Variants in ACLY observed in about 807,000 individuals in gnomAD.
ACLY encodes ATP citrate lyase.
In ACLY, 41 loss-of-function variants were observed where a neutral mutation model predicts 133.0. That is an observed-to-expected ratio of 0.31 (90% CI 0.24 to 0.40). ACLY has a LOEUF of 0.40. ACLY is among the 10% of genes least tolerant of loss of function. ACLY has a pLI of 1.00. For synonymous variants in ACLY, 495 were observed against 549.3 expected (o/e 0.90, Z 1.38); for missense variants, 1,046 against 1,453.8 (o/e 0.72, Z 4.56).
At chr17:41,887,301 T>C (rs1555628382) in intron 17 of ACLY, among the ~76,000 whole-genome samples, 1 of 151,638 alleles carries the variant, frequency 6.6e-6, no homozygotes, top group East Asian at 1.9e-4. Flanking sequence ...TAGCCGGACA[T>C]GGTGGCGGGT....
rs1555626478 is a variant in ACLY, at chr17:41,878,123, T to C, written c.2467A>G (p.Met823Val). 2 of 1,581,222 alleles carry C rather than the reference T, an allele frequency of 1.3e-6. No individual in the cohort carries two copies. Among genetic ancestry groups the C allele is most frequent in the Non-Finnish European group, 8.6e-7 (1 of 1,164,096 alleles). The change falls in exon 22 of 29, where the codon ATG becomes GTG. Residue 823 changes from methionine to valine, a missense_variant. By Grantham distance (21) the Met-to-Val change is conservative. This residue lies in a region of ACLY where 205 missense variants were observed against 373.3 expected (regional missense o/e 0.55). Transcript: ENST00000352035. ...AQEVPPPTVP[M>V]DYSWARELGL... ...CCTACCCTGGCCCAGGAGTAGTCCA[T>C]GGGCACGGTTGGGGGCGGCACCTCC...
intron 10 of ACLY, 142 bp from the exon 11 acceptor site, chr17:41,901,955 C>A: frequency 1.6e-6 from 1 of 627,778 alleles, no homozygotes. Context: ...CAGCCACGGC[C>A]TGGGATATGA....
At chr17:41,926,772 A>T (rs1225565642) in intron 1 of ACLY, among the ~76,000 whole-genome samples, 1 of 152,162 alleles carries the variant, frequency 6.6e-6, no homozygotes, top group East Asian at 1.9e-4. Context: ...TATAGGCATA[A>T]GCCACCACGC....
chr17:41,871,330 C>T (rs2048590954), intron 25 of ACLY, among the ~76,000 whole-genome samples: 1 of 152,048 alleles, frequency 6.6e-6, no homozygotes, highest in Non-Finnish European at 1.5e-5. Flanking sequence ...CTATCACCAC[C>T]CACCCAGTAG....
At chr17:41,891,179 G>A (rs957625102) in intron 16 of ACLY, among the ~76,000 whole-genome samples, 3 of 152,026 alleles carry the variant, frequency 2.0e-5, no homozygotes, top group African/African-American at 7.3e-5. Flanking sequence ...GGACTAGTGA[G>A]TGCCATCATG....
chr17:41,901,903 T>C, intron 10 of ACLY, 90 bp from the exon 11 acceptor site: 1 of 979,074 alleles, frequency 1.0e-6, no homozygotes, highest in Non-Finnish European at 1.5e-6. Context: ...CAGGTATATG[T>C]GACAAGTGCT....
chr17:41,871,131 C>G (rs2048586343), intron 25 of ACLY, among the ~76,000 whole-genome samples: 1 of 152,188 alleles, frequency 6.6e-6, no homozygotes, highest in Non-Finnish European at 1.5e-5. Context: ...CCAAAGTTAC[C>G]AAGTTTTCCA....
intron 18 of ACLY, among the ~76,000 whole-genome samples, chr17:41,885,749 T>C (rs907560147): frequency 1.8e-4 from 28 of 152,172 alleles, no homozygotes; most frequent in Non-Finnish European, 2.9e-4. Flanking sequence ...CGGACCAGGA[T>C]GGCCCCTGCC....
In ACLY at chr17:41,913,781, A is replaced by G. The variant is rs781794116; in HGVS notation, c.93T>C (p.Tyr31=). Residue 31 remains tyrosine, a synonymous_variant, in exon 2 of 29, where the codon TAT becomes TAC. Coordinates refer to ENST00000352035, the MANE Select transcript of ACLY (RefSeq NM_001096.3). ...TTSAIQNRFK[Y]ARVTPDTDWA... is the part of the protein sequence containing the mutation. Reference sequence around the variant, plus strand: ...AGTCTGTGTCAGGAGTGACCCGAGCATACTTGAACCGATTCTGGATGGCTG... The same window carrying G: ...AGTCTGTGTCAGGAGTGACCCGAGCGTACTTGAACCGATTCTGGATGGCTG... 9.9e-6 allele frequency: 16 copies of G among 1,614,144 alleles called. No homozygotes were observed. Among genetic ancestry groups the G allele is most frequent in the Admixed American group, 1.7e-5 (1 of 60,012 alleles).
chr17:41,893,862 G>A (rs904315966), intron 14 of ACLY, among the ~76,000 whole-genome samples: 1 of 152,134 alleles, frequency 6.6e-6, no homozygotes, highest in Non-Finnish European at 1.5e-5. Flanking sequence ...CTTCTACCAG[G>A]TGGCTCTTTC....
Position 41,892,458 on chromosome 17 carries a change from G to A in ACLY, c.1602-11C>T. 6.2e-7 allele frequency: 1 copy of A among 1,611,122 alleles called. No individual in the cohort carries two copies. The highest frequency in any genetic ancestry group is 1.1e-5 in the South Asian group (1 of 90,652). On this transcript the variant is annotated splice_polypyrimidine_tract_variant and intron_variant, in intron 15 of 28. Coordinates refer to ENST00000352035, the MANE Select transcript of ACLY (RefSeq NM_001096.3). ...TGCTTGTGGTCCCCACTGTGAGAAA[G>A]TAAAAGAAGAATTAGGATATCCTCA...
upstream of ACLY, among the ~76,000 whole-genome samples, chr17:41,921,923 C>T (rs1314473063): frequency 2.0e-5 from 3 of 152,066 alleles, no homozygotes; most frequent in African/African-American, 7.2e-5. Flanking sequence ...TGGGTGGGCA[C>T]GGTGGCTCGA....
intron 1 of ACLY, among the ~76,000 whole-genome samples, chr17:41,914,738 G>A (rs983118058): frequency 7.2e-5 from 11 of 152,124 alleles, no homozygotes; most frequent in South Asian, 4.1e-4. Flanking sequence ...TAACTGGGGC[G>A]GACTGAGAGG....
At chr17:41,919,113 C>G (rs933070674), upstream of ACLY, 6 of 1,159,586 alleles carry the variant, frequency 5.2e-6, 1 homozygote, top group Admixed American at 1.2e-4. Context: ...CTCCGCCCCA[C>G]GAGGGCGGGC....
At chr17:41,888,275 G>A (rs1432399202) in intron 16 of ACLY, among the ~76,000 whole-genome samples, 1 of 152,204 alleles carries the variant, frequency 6.6e-6, no homozygotes, top group Non-Finnish European at 1.5e-5. Flanking sequence ...ACACCACAGT[G>A]ATCCACCCAA....
chr17:41,929,695 T>C (rs555667424), intron 1 of ACLY, among the ~76,000 whole-genome samples: 2 of 152,344 alleles, frequency 1.3e-5, no homozygotes, highest in Non-Finnish European at 2.9e-5. Flanking sequence ...TAATCATAGA[T>C]TCATATGCAG....
At chr17:41,921,437 T>C (rs2050180578), upstream of ACLY, among the ~76,000 whole-genome samples, 2 of 144,216 alleles carry the variant, frequency 1.4e-5, no homozygotes, top group Non-Finnish European at 3.0e-5. Context: ...TGAGCTGAGA[T>C]TGTGCACTCC....
At chr17:41,882,451 C>G (rs2048943820) in intron 20 of ACLY, among the ~76,000 whole-genome samples, 1 of 143,796 alleles carries the variant, frequency 7.0e-6, no homozygotes, top group Non-Finnish European at 1.5e-5. Context: ...TGTACACACA[C>G]CAGGTACCCG....
At chr17:41,922,787 T>G (rs1555635587), upstream of ACLY, among the ~76,000 whole-genome samples, 2 of 152,216 alleles carry the variant, frequency 1.3e-5, no homozygotes, top group African/African-American at 4.8e-5. Flanking sequence ...GTTTGACTAT[T>G]CCTGGGCAGG....
Sources: allele counts gnomAD v4.1 joint callset (sites outside exome capture counted in the v4.1 genomes callset), GRCh38; gene constraint gnomAD v4.1.1; regional missense constraint gnomAD v4.1.1; transcripts MANE v1.5; gene names NCBI Gene and HGNC (gene_info 2026-07-23, HGNC 2026-07-21).